FMN2: variants seen among roughly 807,000 people sequenced by gnomAD.
FMN2 encodes formin 2, also known as formin-2.
A neutral mutation model predicts 142.3 loss-of-function variants in FMN2; 51 were observed. That is an observed-to-expected ratio of 0.36 (90% CI 0.29 to 0.45). FMN2 has a LOEUF of 0.45. Ranked by LOEUF, FMN2 falls within the 20% of genes least tolerant of loss-of-function variation. FMN2 has a pLI of 1.00. For missense variants in FMN2, 1,936 were observed against 2,122.8 expected (o/e 0.91, Z 1.73); for synonymous variants, 882 against 869.8 (o/e 1.01, Z -0.25).
At position 240,123,217 on chromosome 1, in the gene FMN2, A is replaced by C; in HGVS notation, c.1654A>C (p.Asn552His). 1 of 1,614,126 alleles carries C rather than the reference A, an allele frequency of 6.2e-7. No homozygotes were observed. Among genetic ancestry groups the C allele is most frequent in the Non-Finnish European group, 8.5e-7 (1 of 1,180,032 alleles). The change falls in exon 2 of 18, where the codon AAC becomes CAC. Residue 552 changes from asparagine to histidine, a missense_variant. Asn to His is a moderately conservative substitution (Grantham distance 68, BLOSUM62 1). Transcript: ENST00000319653. ...LLEKLFSQQE[N>H]GPPEEAEKFC... ...GGAGAAGCTGTTCAGCCAGCAGGAGAACGGGCCTCCAGAAGAAGCAGAGAA... is the reference window on the plus strand; with the variant it reads ...GGAGAAGCTGTTCAGCCAGCAGGAGCACGGGCCTCCAGAAGAAGCAGAGAA...
chr1:240,128,764 C>G (rs1489464769), intron 2 of FMN2, among the ~76,000 whole-genome samples: 1 of 152,186 alleles, frequency 6.6e-6, no homozygotes, highest in Non-Finnish European at 1.5e-5. Flanking sequence ...TTAATCAAAA[C>G]CAACAGCAGC....
At chr1:240,240,307 G>C (rs755921806) in intron 6 of FMN2, among the ~76,000 whole-genome samples, 1 of 152,128 alleles carries the variant, frequency 6.6e-6, no homozygotes, top group African/African-American at 2.4e-5. Flanking sequence ...AATGTGGACC[G>C]TAGTGGTACC....
chr1:240,449,452 G>A (rs1675931069), intron 16 of FMN2, among the ~76,000 whole-genome samples: 1 of 152,290 alleles, frequency 6.6e-6, no homozygotes, highest in South Asian at 2.1e-4. Context: ...CCCGTGGAAA[G>A]GAAACTTTTG....
chr1:240,197,009 G>A (rs879154080), intron 4 of FMN2, among the ~76,000 whole-genome samples: 3 of 152,148 alleles, frequency 2.0e-5, no homozygotes, highest in Admixed American at 2.0e-4. Context: ...AAGAGGTTAA[G>A]TGTCTTTTTA....
At chr1:240,312,465 T>C (rs913632069) in intron 8 of FMN2, among the ~76,000 whole-genome samples, 1 of 152,222 alleles carries the variant, frequency 6.6e-6, no homozygotes, top group African/African-American at 2.4e-5. Context: ...TTTTCTTTAC[T>C]CCCATTCTCT....
chr1:240,163,992 C>A (rs1436093299), intron 2 of FMN2, among the ~76,000 whole-genome samples: 1 of 152,134 alleles, frequency 6.6e-6, no homozygotes, highest in Non-Finnish European at 1.5e-5. Context: ...CCCACCTCAG[C>A]CTCTCAAGTA....
At chr1:240,246,180 AAAAAAT>A (rs1273577062) in intron 6 of FMN2, among the ~76,000 whole-genome samples, 2 of 151,426 alleles carry the variant, frequency 1.3e-5, no homozygotes, top group African/African-American at 4.9e-5. Flanking sequence ...ACTCCCTCTC[AAAAAAT>A]AAAAATAAAA....
intron 15 of FMN2, among the ~76,000 whole-genome samples, chr1:240,412,877 C>T (rs1674445512): frequency 1.3e-5 from 2 of 151,892 alleles, no homozygotes; most frequent in African/African-American, 4.8e-5. Flanking sequence ...AATCCCAGCG[C>T]TTTGGGAGGC....
At chr1:240,189,202 C>T (rs1445329459) in intron 4 of FMN2, among the ~76,000 whole-genome samples, 13 of 148,016 alleles carry the variant, frequency 8.8e-5, no homozygotes, top group Non-Finnish European at 1.6e-4. Flanking sequence ...AGAAAGGAAA[C>T]GTGTATGGAA....
At chr1:240,365,875 A>G (rs1672652081) in intron 14 of FMN2, among the ~76,000 whole-genome samples, 2 of 152,168 alleles carry the variant, frequency 1.3e-5, no homozygotes, top group South Asian at 2.1e-4. Context: ...TCCATAAGGT[A>G]TATCACAGCC....
Position 240,208,449 on chromosome 1 carries a change from C to G in FMN2, c.3637C>G (p.Pro1213Ala). 1 of 1,608,720 alleles carries G rather than the reference C, an allele frequency of 6.2e-7. No individual in the cohort carries two copies. Among genetic ancestry groups the G allele is most frequent in the African/African-American group, 1.4e-5 (1 of 73,988 alleles). ...TGGGATTCCCCCACCTCCTCCCTTG[C>G]CAGGTATGGGGATTCCACCTGCTCC... The part of the protein sequence containing the change: ...GAGIPPPPPL[P>A]GMGIPPAPAP... The change falls in exon 5 of 18, where the codon CCA (proline) becomes GCA (alanine). Residue 1213 changes from proline (P) to alanine (A), a missense_variant. Pro to Ala is a conservative substitution (Grantham distance 27). Coordinates refer to ENST00000319653, the MANE Select transcript of FMN2 (RefSeq NM_020066.5).
chr1:240,225,855 T>C (rs1667278759), intron 6 of FMN2, among the ~76,000 whole-genome samples: 1 of 152,090 alleles, frequency 6.6e-6, no homozygotes, highest in Non-Finnish European at 1.5e-5. Flanking sequence ...TATCAATAAA[T>C]AGATTGACAT....
At chr1:240,425,502 C>T (rs964165966) in intron 15 of FMN2, among the ~76,000 whole-genome samples, 2 of 151,716 alleles carry the variant, frequency 1.3e-5, no homozygotes, top group Non-Finnish European at 2.9e-5. Flanking sequence ...TTTTTCTATA[C>T]TCAGAATCAT....
At chr1:240,299,656 G>T (rs1352304100) in intron 8 of FMN2, among the ~76,000 whole-genome samples, 3 of 152,038 alleles carry the variant, frequency 2.0e-5, no homozygotes, top group Non-Finnish European at 4.4e-5. Flanking sequence ...TGTAATTTCA[G>T]ACGTGATTGC....
At chr1:240,341,863 C>T (rs927007866) in intron 13 of FMN2, among the ~76,000 whole-genome samples, 4 of 152,208 alleles carry the variant, frequency 2.6e-5, no homozygotes, top group African/African-American at 7.2e-5. Flanking sequence ...GGCTGGGAAG[C>T]TGTGGCTACT....
At chr1:240,163,097 A>G (rs1664345969) in intron 2 of FMN2, among the ~76,000 whole-genome samples, 1 of 152,226 alleles carries the variant, frequency 6.6e-6, no homozygotes, top group African/African-American at 2.4e-5. Context: ...CATTATATTA[A>G]GAGAAAACAT....
intron 7 of FMN2, among the ~76,000 whole-genome samples, chr1:240,268,007 A>G (rs1668875358): frequency 6.6e-6 from 1 of 152,070 alleles, no homozygotes; most frequent in Non-Finnish European, 1.5e-5. Context: ...CGAGGCTGTG[A>G]GAAGAGGGAA....
chr1:240,401,327 T>C (rs1673982115), intron 15 of FMN2, among the ~76,000 whole-genome samples: 1 of 152,218 alleles, frequency 6.6e-6, no homozygotes, highest in South Asian at 2.1e-4. Flanking sequence ...ATGTATCATA[T>C]TATCACAAAC....
chr1:240,301,553 GTGA>G (rs762753397), intron 8 of FMN2, among the ~76,000 whole-genome samples: 11 of 151,574 alleles, frequency 7.3e-5, no homozygotes, highest in Admixed American at 1.3e-4. Flanking sequence ...CATCTTTTCA[GTGA>G]TGAATTTTCT....
Sources: allele counts gnomAD v4.1 joint callset (sites outside exome capture counted in the v4.1 genomes callset), GRCh38; gene constraint gnomAD v4.1.1; transcripts MANE v1.5; gene names NCBI Gene and HGNC (gene_info 2026-07-23, HGNC 2026-07-21).